Variants in TRAF2 observed in about 807,000 individuals in gnomAD.
TRAF2 encodes TNF receptor associated factor 2.
TRAF2 carries 6 observed loss-of-function variants against 55.6 expected under a neutral mutation model. The observed-to-expected ratio is 0.11, with a 90% confidence interval of 0.06 to 0.21. TRAF2 has a LOEUF of 0.21. TRAF2 is among the 10% of genes least tolerant of loss of function. The probability of loss-of-function intolerance (pLI) is 1.00; values close to 1 mark genes in which losing one functional copy is unlikely to be tolerated. For synonymous variants in TRAF2, 329 were observed against 276.3 expected, an observed-to-expected ratio of 1.19 and a Z score of -1.89; for missense variants, 561 against 684.5, an observed-to-expected ratio of 0.82 and a Z score of 2.01.
intron 6 of TRAF2, among the ~76,000 whole-genome samples, chr9:136,913,742 T>C (rs889944490): frequency 6.6e-6 from 1 of 152,238 alleles, no homozygotes; most frequent in Non-Finnish European, 1.5e-5. Context: ...ATGTAAACTA[T>C]TGGCCTGCTG....
chr9:136,923,720 TTC>T (rs201838550), intron 9 of TRAF2, 130 bp from the exon 10 acceptor site: 1 of 636,152 alleles, frequency 1.6e-6, no homozygotes. Flanking sequence ...AAAAAAACTT[TTC>T]TTTGCACCCC....
intron 1 of TRAF2, among the ~76,000 whole-genome samples, chr9:136,891,375 T>C (rs1429019874): frequency 6.6e-6 from 1 of 152,130 alleles, no homozygotes; most frequent in East Asian, 1.9e-4. Context: ...CCCAAAGTGC[T>C]GGGATTACAA....
chr9:136,886,267 G>T (rs12340491), upstream of TRAF2: 1 of 416,920 alleles, frequency 2.4e-6, no homozygotes, highest in African/African-American at 2.2e-5. Flanking sequence ...GGAAAAAGCA[G>T]AGGGCGACTT....
At chr9:136,923,720 T>G (rs1588446821) in intron 9 of TRAF2, 132 bp from the exon 10 acceptor site, 1 of 636,152 alleles carries the variant, frequency 1.6e-6, no homozygotes. Flanking sequence ...AAAAAAACTT[T>G]TCTTTGCACC....
chr9:136,892,644 T>C (rs930609555), intron 1 of TRAF2, among the ~76,000 whole-genome samples: 1 of 151,790 alleles, frequency 6.6e-6, no homozygotes, highest in African/African-American at 2.4e-5. Context: ...CTTTGGGAGA[T>C]TGAGGTGGGC....
chr9:136,925,805 C>T lies in TRAF2; in HGVS notation c.1410C>T (p.Pro470=), dbSNP rs763160998. Residue 470 remains proline (P), a synonymous_variant, in exon 11 of 11, where the codon CCC becomes CCT. Transcript: ENST00000247668. ...VNDMNIASGC[P]LFCPVSKMEA... ...ACATGAACATCGCAAGCGGCTGCCCCCTCTTCTGCCCCGTCTCCAAGATGG... is the reference window on the plus strand; with the variant it reads ...ACATGAACATCGCAAGCGGCTGCCCTCTCTTCTGCCCCGTCTCCAAGATGG... 1.2e-6 allele frequency: 2 copies of T among 1,614,266 alleles called. No individual in the cohort carries two copies. Among genetic ancestry groups the T allele is most frequent in the Non-Finnish European group, 1.7e-6 (2 of 1,180,050 alleles).
chr9:136,908,380 C>T (rs920089810), intron 5 of TRAF2, 149 bp downstream of exon 5: 3 of 909,770 alleles, frequency 3.3e-6, no homozygotes, highest in Middle Eastern at 6.9e-4. Context: ...GCGGATGTTT[C>T]TTGGCAGAAC....
At chr9:136,894,145 C>G (rs1405770806) in intron 1 of TRAF2, among the ~76,000 whole-genome samples, 1 of 146,144 alleles carries the variant, frequency 6.8e-6, no homozygotes, top group Admixed American at 7.0e-5. Flanking sequence ...TTGCTGGGTT[C>G]AAGCAATTCT....
chr9:136,908,323 C>G, intron 5 of TRAF2, 92 bp downstream of exon 5: 3 of 1,370,798 alleles, frequency 2.2e-6, no homozygotes, highest in Non-Finnish European at 2.9e-6. Context: ...GCGTCGGCCC[C>G]TTTGCACTCG....
intron 6 of TRAF2, among the ~76,000 whole-genome samples, chr9:136,915,353 G>C (rs1850216345): frequency 6.6e-6 from 1 of 152,086 alleles, no homozygotes; most frequent in Non-Finnish European, 1.5e-5. Flanking sequence ...CGTCTCCCGA[G>C]ACTTGCCAGC....
At chr9:136,910,558 A>G (rs1850079465) in intron 6 of TRAF2, among the ~76,000 whole-genome samples, 1 of 152,230 alleles carries the variant, frequency 6.6e-6, no homozygotes, top group African/African-American at 2.4e-5. Context: ...ACATTTTCCC[A>G]AACTGCCTCC....
At chr9:136,900,860 G>T (rs1849805035) in intron 4 of TRAF2, among the ~76,000 whole-genome samples, 1 of 152,132 alleles carries the variant, frequency 6.6e-6, no homozygotes, top group African/African-American at 2.4e-5. Flanking sequence ...GTGAGCCCTG[G>T]GAATGCCATG....
upstream of TRAF2, among the ~76,000 whole-genome samples, chr9:136,885,358 G>C (rs920963449): frequency 1.3e-5 from 2 of 152,158 alleles, no homozygotes; most frequent in African/African-American, 2.4e-5. Flanking sequence ...AGGCTGGATG[G>C]AGAGGGGGTG....
At chr9:136,903,094 C>T (rs936769182) in intron 4 of TRAF2, among the ~76,000 whole-genome samples, 2 of 152,052 alleles carry the variant, frequency 1.3e-5, no homozygotes, top group Non-Finnish European at 2.9e-5. Flanking sequence ...AGCCTACAGG[C>T]GCCTGCCACC....
At chr9:136,915,567 A>G (rs1850220951) in intron 6 of TRAF2, among the ~76,000 whole-genome samples, 1 of 152,016 alleles carries the variant, frequency 6.6e-6, no homozygotes, top group African/African-American at 2.4e-5. Flanking sequence ...GATTTCAGGT[A>G]TGAGGGAGGG....
At chr9:136,883,953 T>C (rs1489415166), upstream of TRAF2, among the ~76,000 whole-genome samples, 1 of 151,254 alleles carries the variant, frequency 6.6e-6, no homozygotes, top group Non-Finnish European at 1.5e-5. Flanking sequence ...GTCTCCTGAG[T>C]AGCTGTGAGT....
chr9:136,904,335 C>G (rs1179929059), intron 4 of TRAF2, among the ~76,000 whole-genome samples: 1 of 152,230 alleles, frequency 6.6e-6, no homozygotes, highest in Non-Finnish European at 1.5e-5. Flanking sequence ...TCCTAAAGTG[C>G]TGGGATTACA....
chr9:136,896,261 T>G (rs1373924505), intron 1 of TRAF2, among the ~76,000 whole-genome samples: 1 of 152,154 alleles, frequency 6.6e-6, no homozygotes, highest in Non-Finnish European at 1.5e-5. Context: ...TCGGGCTGCT[T>G]TTGGAAGGAG....
At chr9:136,924,076 G>T in intron 10 of TRAF2, 76 bp downstream of exon 10, 1 of 1,556,726 alleles carries the variant, frequency 6.4e-7, no homozygotes, top group Admixed American at 1.8e-5. Context: ...TGTGGTGCAG[G>T]GTTGTGCGGG....
Sources: allele counts gnomAD v4.1 joint callset (sites outside exome capture counted in the v4.1 genomes callset), GRCh38; gene constraint gnomAD v4.1.1; transcripts MANE v1.5; gene names NCBI Gene and HGNC (gene_info 2026-07-23, HGNC 2026-07-21).